Variants in TRPM3 observed in about 807,000 individuals in gnomAD.
TRPM3 encodes long transient receptor potential channel 3.
A neutral mutation model predicts 181.2 loss-of-function variants in TRPM3; 77 were observed. That is an observed-to-expected ratio of 0.42 (90% confidence interval 0.35 to 0.51). The LOEUF (loss-of-function observed/expected upper bound fraction) is 0.51. TRPM3 is among the 20% of genes least tolerant of loss of function. TRPM3 has a pLI of 0.01. For missense variants in TRPM3, 1,759 were observed against 2,196.7 expected, an observed-to-expected ratio of 0.80 and a Z score of 3.98; for synonymous variants, 745 against 796.4, an observed-to-expected ratio of 0.94 and a Z score of 1.09.
At chr9:70,681,665 A>G (rs2065470009) in intron 8 of TRPM3, 87 bp from the exon 9 acceptor site, 1 of 1,076,300 alleles carries the variant, frequency 9.3e-7, no homozygotes, top group East Asian at 2.4e-5. Context: ...AGCAGAGACT[A>G]TCTCTATATC....
chr9:70,540,722 T>A (rs2043100263), intron 25 of TRPM3, among the ~76,000 whole-genome samples: 1 of 152,088 alleles, frequency 6.6e-6, no homozygotes, highest in South Asian at 2.1e-4. Flanking sequence ...TAGTATTTAT[T>A]TTTATTTTAT....
chr9:70,971,575 G>A (rs191589433), intron 1 of TRPM3, among the ~76,000 whole-genome samples: 127 of 152,186 alleles, frequency 8.3e-4, no homozygotes, highest in African/African-American at 2.9e-3. Flanking sequence ...AAGAAAGTGA[G>A]AAGCCCTAAA....
intron 1 of TRPM3, among the ~76,000 whole-genome samples, chr9:70,934,048 A>T (rs892811651): frequency 6.6e-6 from 1 of 152,148 alleles, no homozygotes. Context: ...TATTCTCTTC[A>T]TGTGCACCAA....
intron 1 of TRPM3, among the ~76,000 whole-genome samples, chr9:71,264,322 G>A (rs1464520651): frequency 2.6e-5 from 4 of 152,072 alleles, no homozygotes; most frequent in Non-Finnish European, 5.9e-5. Context: ...AAAGCAGATC[G>A]CACCTCCCCT....
rs1210057204 is a variant in TRPM3, at chr9:70,529,147, C to CGTATATCTAAA, written c.*6805_*6806insTTTAGATATAC. On this transcript the variant is annotated 3_prime_UTR_variant, in exon 26 of 26. Transcript: ENST00000677713. Reference sequence around the variant, plus strand: ...AAGTTTTTCCCGTGGTATCTGCCAACTTCTGCTCTGAATTGTATATCTAAA... The same window carrying CGTATATCTAAA: ...AAGTTTTTCCCGTGGTATCTGCCAACGTATATCTAAATTCTGCTCTGAATTGTATATCTAAA... The CGTATATCTAAA allele has an allele frequency of 6.6e-6, 1 of 152,206 alleles. No individual in the cohort carries two copies. The highest frequency in any genetic ancestry group is 1.9e-4 in the East Asian group (1 of 5,178). The allele number at this position is 152,206 out of a possible 1,614,324, so 9.4% of individuals were successfully genotyped here. A position where few individuals can be genotyped will look rare whatever the true frequency, so the allele number is the denominator to read the frequency against.
At chr9:71,439,733 C>G (rs2131662280) in intron 1 of TRPM3, among the ~76,000 whole-genome samples, 1 of 152,182 alleles carries the variant, frequency 6.6e-6, no homozygotes, top group South Asian at 2.1e-4. Flanking sequence ...TTGTTCATCT[C>G]TAATGTGTAT....
At chr9:70,894,020 T>C (rs1178517314) in intron 1 of TRPM3, among the ~76,000 whole-genome samples, 1 of 152,174 alleles carries the variant, frequency 6.6e-6, no homozygotes, top group Admixed American at 6.5e-5. Flanking sequence ...GAGGACAAAA[T>C]GGGTCACGGA....
chr9:71,138,976 A>T (rs1484328133), intron 1 of TRPM3, among the ~76,000 whole-genome samples: 4 of 152,306 alleles, frequency 2.6e-5, no homozygotes, highest in Non-Finnish European at 5.9e-5. Flanking sequence ...CATGATTAGT[A>T]TATTTAAAGG....
chr9:71,036,422 T>C (rs917667727), intron 1 of TRPM3, among the ~76,000 whole-genome samples: 7 of 152,198 alleles, frequency 4.6e-5, no homozygotes, highest in African/African-American at 1.7e-4. Flanking sequence ...AGCAAGCACA[T>C]ATAAACTCAG....
rs149350140 is a variant in TRPM3, at chr9:70,879,326, T to C, written c.178-14815A>G. Among the ~76,000 whole-genome samples the C allele has an allele frequency of 1.8e-4, 27 of 152,258 alleles. 1 individual carries two copies. In the East Asian group the frequency reaches 4.4e-3, roughly 25 times the overall value. On this transcript the variant is annotated intron_variant, in intron 1 of 25. Coordinates refer to ENST00000677713, the MANE Select transcript of TRPM3 (RefSeq NM_001366145.2). ...GCACTTAAATGATTACTGTTGCATT[T>C]CATTTAATTAAATTTGTGTCCTTTC...
At chr9:70,799,302 T>C (rs915257526) in intron 6 of TRPM3, among the ~76,000 whole-genome samples, 2 of 152,180 alleles carry the variant, frequency 1.3e-5, no homozygotes, top group African/African-American at 4.8e-5. Flanking sequence ...GTAACCATTA[T>C]CATAGATGAG....
At chr9:70,926,313 C>T (rs567912109) in intron 1 of TRPM3, among the ~76,000 whole-genome samples, 1 of 152,226 alleles carries the variant, frequency 6.6e-6, no homozygotes, top group South Asian at 2.1e-4. Flanking sequence ...TATTTCAGGT[C>T]CAGCCCAAAC....
At chr9:71,039,930 G>C (rs1285742354) in intron 1 of TRPM3, among the ~76,000 whole-genome samples, 1 of 152,000 alleles carries the variant, frequency 6.6e-6, no homozygotes, top group Non-Finnish European at 1.5e-5. Flanking sequence ...TATAATATGG[G>C]TTCAAAATTA....
intron 1 of TRPM3, among the ~76,000 whole-genome samples, chr9:71,294,378 T>A (rs1588341034): frequency 6.6e-6 from 1 of 152,044 alleles, no homozygotes; most frequent in Non-Finnish European, 1.5e-5. Flanking sequence ...ATGCTCAGAC[T>A]CTTTAGTAAG....
intron 1 of TRPM3, among the ~76,000 whole-genome samples, chr9:71,420,729 G>GAGAGAGAAAGAGAGAGAAAGAGAGAGAA (rs2093725854): frequency 4.1e-5 from 2 of 49,070 alleles, no homozygotes; most frequent in East Asian, 6.5e-4. Context: ...GAAAGAGAGA[G>GAGAGAGAAAGAGAGAGAAAGAGAGAGAA]AGAGAGAAAG....
At chr9:70,841,079 G>C (rs2094598007) in intron 5 of TRPM3, among the ~76,000 whole-genome samples, 1 of 152,064 alleles carries the variant, frequency 6.6e-6, no homozygotes. Flanking sequence ...AAATGATTTT[G>C]GTGCTGAAAG....
At chr9:70,639,782 CA>C (rs1418902067) in intron 10 of TRPM3, among the ~76,000 whole-genome samples, 6 of 152,174 alleles carry the variant, frequency 3.9e-5, no homozygotes, top group African/African-American at 1.2e-4. Flanking sequence ...ATCCATTTCA[CA>C]AAAATGTTGC....
intron 1 of TRPM3, among the ~76,000 whole-genome samples, chr9:71,180,844 T>A (rs551498691): frequency 6.6e-6 from 1 of 152,248 alleles, no homozygotes; most frequent in Non-Finnish European, 1.5e-5. Flanking sequence ...CGAATAGTTA[T>A]TGAAGAGAGG....
intron 1 of TRPM3, among the ~76,000 whole-genome samples, chr9:71,431,379 A>G (rs999282040): frequency 6.6e-6 from 1 of 152,226 alleles, no homozygotes; most frequent in African/African-American, 2.4e-5. Flanking sequence ...GGTCATGTAA[A>G]TACAATTATA....
Sources: allele counts gnomAD v4.1 joint callset (sites outside exome capture counted in the v4.1 genomes callset), GRCh38; gene constraint gnomAD v4.1.1; transcripts MANE v1.5; gene names NCBI Gene and HGNC (gene_info 2026-07-23, HGNC 2026-07-21).